The following WDR49 variants were observed in gnomAD, a reference collection of about 807,000 sequenced individuals.
The protein encoded by WDR49 is cilia- and flagella-associated protein 337.
WDR49 carries 107 observed loss-of-function variants against 119.5 expected under a neutral mutation model. The observed-to-expected ratio is 0.90, with a 90% CI of 0.77 to 1.05. The LOEUF (loss-of-function observed/expected upper bound fraction) is 1.05. Ranked by LOEUF, WDR49 falls within the 50% of genes least tolerant of loss-of-function variation. The pLI, the probability that WDR49 is intolerant of heterozygous loss-of-function variation, is 0.00. For synonymous variants in WDR49, 425 were observed against 418.8 expected (o/e 1.01, Z -0.18); for missense variants, 1,240 against 1,220.5 (o/e 1.02, Z -0.24).
chr3:167,483,688 G>T (rs2108189518), intron 18 of WDR49, among the ~76,000 whole-genome samples: 1 of 152,072 alleles, frequency 6.6e-6, no homozygotes, highest in Non-Finnish European at 1.5e-5. Flanking sequence ...TTTAGAGTTA[G>T]GTCCTTTTCT....
intron 7 of WDR49, among the ~76,000 whole-genome samples, chr3:167,592,437 CTTTTTTTTT>C (rs372398450): frequency 3.7e-4 from 49 of 133,350 alleles, no homozygotes; most frequent in African/African-American, 1.3e-3. Context: ...TTTTCTTTTT[CTTTTTTTTT>C]TTTTTTTGAG....
rs201408126 is a variant in WDR49, at chr3:167,602,293, GA to G, written c.1127-19del. The G allele has an allele frequency of 1.7e-4, 263 of 1,540,390 alleles. 2 individuals are homozygous for G. In the African/African-American group the frequency reaches 2.9e-3, roughly 17 times the overall value. On this transcript the variant is annotated intron_variant, in intron 6 of 18. Coordinates refer to ENST00000682715, the MANE Select transcript of WDR49 (RefSeq NM_001366157.1). ...AGCAGTTGCTAATCAGAATTAGAAA[GA>G]AAAAAAATGTTTTTAATAGCATGAA...
chr3:167,556,602 C>T (rs188423879), intron 9 of WDR49, among the ~76,000 whole-genome samples: 44 of 152,324 alleles, frequency 2.9e-4, no homozygotes, highest in Admixed American at 1.5e-3. Context: ...AATTAAAATG[C>T]AGGCCAGGCA....
intron 7 of WDR49, among the ~76,000 whole-genome samples, chr3:167,595,298 A>G (rs1222103462): frequency 6.6e-6 from 1 of 152,112 alleles, no homozygotes; most frequent in East Asian, 1.9e-4. Flanking sequence ...ACTGCCCAAG[A>G]TAATTTACAG....
At chr3:167,640,349 C>A (rs986858214) in intron 2 of WDR49, among the ~76,000 whole-genome samples, 4 of 151,802 alleles carry the variant, frequency 2.6e-5, no homozygotes, top group Non-Finnish European at 4.4e-5. Context: ...GAATTATTAA[C>A]CATCTTCCGT....
At chr3:167,492,413 T>C (rs1312267080) in intron 18 of WDR49, among the ~76,000 whole-genome samples, 5 of 152,110 alleles carry the variant, frequency 3.3e-5, no homozygotes, top group Non-Finnish European at 2.9e-5. Context: ...ACCTTTACTA[T>C]CTATGTGAAC....
chr3:167,521,999 T>TAGAC (rs1560266145), intron 16 of WDR49, among the ~76,000 whole-genome samples: 1 of 146,810 alleles, frequency 6.8e-6, no homozygotes, highest in Non-Finnish European at 1.5e-5. Flanking sequence ...GATAGATAGA[T>TAGAC]AGATAGATAG....
At position 167,531,886 on chromosome 3, in the gene WDR49, G is replaced by A. The variant is rs571070845; in HGVS notation, c.2054-607C>T. The stretch of plus-strand genomic sequence containing the variant: ...ACGTATTTTCAAAATTCCAAAATAA[G>A]AAATCTATTGCAATGCCTTTCATGT... On this transcript the variant is annotated intron_variant, in intron 12 of 18. Transcript: ENST00000682715. Among the ~76,000 whole-genome samples, 51 of 152,156 alleles carry A rather than the reference G, an allele frequency of 3.4e-4. No individual in the cohort carries two copies. In the East Asian group the frequency reaches 9.9e-3, roughly 29 times the overall value.
At chr3:167,519,093 C>T (rs1264879670) in intron 16 of WDR49, among the ~76,000 whole-genome samples, 9 of 151,932 alleles carry the variant, frequency 5.9e-5, no homozygotes, top group Non-Finnish European at 5.9e-5. Flanking sequence ...TCATGCCAGT[C>T]ACAATAGCAA....
At chr3:167,511,975 TG>T (rs141029993) in intron 16 of WDR49, among the ~76,000 whole-genome samples, 2,583 of 152,256 alleles carry the variant, frequency 0.017, 58 homozygotes, top group African/African-American at 0.057. Flanking sequence ...ATGGAGCCCC[TG>T]GGGGAAACAG....
At position 167,642,106 on chromosome 3, in the gene WDR49, G is replaced by A. The variant is rs537937970; in HGVS notation, c.165+11155C>T. 9.9e-4 allele frequency among the ~76,000 whole-genome samples: 150 copies of A among 151,712 alleles called. 4 individuals carry two copies. In the South Asian group the frequency reaches 0.03, roughly 30 times the overall value. On this transcript the variant is annotated intron_variant, in intron 2 of 18. Coordinates refer to ENST00000682715, the MANE Select transcript of WDR49 (RefSeq NM_001366157.1). ...GCATTTTTATACTGTTTTGACTTGA[G>A]AACTATAAAAATGTTTCATATAGTC...
intron 5 of WDR49, among the ~76,000 whole-genome samples, chr3:167,607,123 C>T (rs563313113): frequency 6.6e-6 from 1 of 152,278 alleles, no homozygotes; most frequent in African/African-American, 2.4e-5. Flanking sequence ...GGGGTAGGAC[C>T]ACTCTAGAAT....
At chr3:167,613,743 G>A (rs1716457936) in intron 5 of WDR49, among the ~76,000 whole-genome samples, 2 of 152,016 alleles carry the variant, frequency 1.3e-5, no homozygotes, top group African/African-American at 2.4e-5. Flanking sequence ...TCAGGAGTTC[G>A]AGACCAGCCT....
intron 5 of WDR49, among the ~76,000 whole-genome samples, chr3:167,607,571 A>G (rs1019917199): frequency 6.6e-6 from 1 of 152,208 alleles, no homozygotes. Context: ...AACTTGCTCA[A>G]GGGCATGAAG....
chr3:167,620,509 C>A lies in WDR49; in HGVS notation c.878G>T (p.Trp293Leu). Residue 293 changes from tryptophan (W) to leucine (L), a missense_variant, in exon 5 of 19, where the codon TGG (tryptophan) becomes TTG (leucine). Coordinates refer to ENST00000682715, the MANE Select transcript of WDR49 (RefSeq NM_001366157.1). ...GTGACATCCAGAGAGCAGCTCTGCC[C>A]AGTTAATGGTCATAGTGGCTTCTCC... The part of the protein sequence containing the change: ...EDGEATMTIN[W>L]AELLSGCHKC... 1 of 1,536,064 alleles carries A rather than the reference C, an allele frequency of 6.5e-7. No homozygotes were observed. Among genetic ancestry groups the A allele is most frequent in the East Asian group, 2.4e-5 (1 of 40,910 alleles).
chr3:167,633,500 G>A (rs1031122207), intron 2 of WDR49: 2 of 456,104 alleles, frequency 4.4e-6, no homozygotes, highest in Admixed American at 2.4e-5. Context: ...TTAGCCACTC[G>A]TAGTGCTGCT....
chr3:167,599,824 C>T (rs1162037067), intron 7 of WDR49, among the ~76,000 whole-genome samples: 1 of 151,868 alleles, frequency 6.6e-6, no homozygotes, highest in African/African-American at 2.4e-5. Flanking sequence ...TCACTGTAGC[C>T]ACCACAGATA....
intron 3 of WDR49, among the ~76,000 whole-genome samples, chr3:167,623,854 G>A (rs1716983690): frequency 6.6e-6 from 1 of 151,954 alleles, no homozygotes; most frequent in South Asian, 2.1e-4. Context: ...CATGACTTCA[G>A]AAAGATGCAG....
Position 167,621,775 on chromosome 3 carries a change from G to T in WDR49, c.607-132C>A, listed in dbSNP as rs1382874430. 1.1e-5 allele frequency: 9 copies of T among 847,384 alleles called. No homozygotes were observed. The East Asian group carries it at 2.2e-4, about 21-fold the overall frequency. The allele number at this position is 847,384 out of a possible 1,614,324, so 52.5% of individuals were successfully genotyped here. ...GAGGATCCTTAACAGTATTACAGAA[G>T]TTAAGAACAGCGGCACAAATGTACC... On this transcript the variant is annotated intron_variant, in intron 3 of 18. Transcript: ENST00000682715.
Sources: allele counts gnomAD v4.1 joint callset (sites outside exome capture counted in the v4.1 genomes callset), GRCh38; gene constraint gnomAD v4.1.1; transcripts MANE v1.5; gene names NCBI Gene and HGNC (gene_info 2026-07-23, HGNC 2026-07-21).